Variants in STEAP4 observed in about 807,000 individuals in gnomAD.
STEAP4 encodes the protein metalloreductase STEAP4.
STEAP4 carries 36 observed loss-of-function variants against 43.6 expected under a neutral mutation model. The observed-to-expected ratio is 0.83, with a 90% confidence interval of 0.63 to 1.09. The LOEUF (loss-of-function observed/expected upper bound fraction) is 1.09, where lower values mean the gene tolerates loss of function less well. Among genes scored for constraint, STEAP4 ranks in the 50% least tolerant of loss-of-function variants. The pLI is 0.00. For missense variants in STEAP4, 495 were observed against 546.5 expected (o/e 0.91, Z 0.94); for synonymous variants, 191 against 196.7 (o/e 0.97, Z 0.24).
At position 88,277,369 on chromosome 7, in the gene STEAP4, T is replaced by C. The variant is rs1852528656; in HGVS notation, c.*2029A>G. On this transcript the variant is annotated 3_prime_UTR_variant, in exon 5 of 5. Coordinates refer to ENST00000380079, the MANE Select transcript of STEAP4 (RefSeq NM_024636.4). Reference sequence around the variant, plus strand: ...TTGAAATAAAAAAGACAATCTACAATGGTGCGATGAAAGCAACACCCTCAT... The same window carrying C: ...TTGAAATAAAAAAGACAATCTACAACGGTGCGATGAAAGCAACACCCTCAT... 1 of 152,144 alleles carries C rather than the reference T, an allele frequency of 6.6e-6. No homozygotes were observed. The highest frequency in any genetic ancestry group is 1.5e-5 in the Non-Finnish European group (1 of 68,032). 9.4% of individuals were successfully genotyped at this position (152,144 alleles called of 1,614,324 possible). A position where few individuals can be genotyped will look rare whatever the true frequency, so the allele number is the denominator to read the frequency against.
intron 3 of STEAP4, chr7:88,282,116 GCGA>G (rs2115954478): frequency 6.5e-6 from 1 of 152,846 alleles, no homozygotes; most frequent in African/African-American, 2.4e-5. Context: ...CTGGACCCAA[GCGA>G]ACCTGGAAAG....
chr7:88,285,294 A>T (rs897173903), intron 1 of STEAP4, among the ~76,000 whole-genome samples: 2 of 152,200 alleles, frequency 1.3e-5, no homozygotes, highest in African/African-American at 4.8e-5. Flanking sequence ...AGATATGTGC[A>T]ACATATGTAT....
In STEAP4 at chr7:88,278,818, T is replaced by C. The variant is rs1317783868; in HGVS notation, c.*580A>G. The C allele has an allele frequency of 5.8e-5, 9 of 154,100 alleles. No individual in the cohort carries two copies. The highest frequency in any genetic ancestry group is 2.2e-4 in the African/African-American group (9 of 41,476). The allele number at this position is 154,100 out of a possible 1,614,324, so 9.5% of individuals were successfully genotyped here. The stretch of plus-strand genomic sequence containing the variant: ...GTGTTATAAAAATAGTTCCTCTCAG[T>C]AAATATCTGTATTAAGAAAAGCAAA... On this transcript the variant is annotated 3_prime_UTR_variant, in exon 5 of 5. Transcript: ENST00000380079.
intron 1 of STEAP4, among the ~76,000 whole-genome samples, chr7:88,299,180 G>T (rs1852985191): frequency 6.6e-6 from 1 of 152,060 alleles, no homozygotes; most frequent in Non-Finnish European, 1.5e-5. Context: ...TTAAATTTAG[G>T]TTCTTTGTCG....
intron 1 of STEAP4, among the ~76,000 whole-genome samples, chr7:88,303,625 T>C (rs1412324183): frequency 6.6e-6 from 1 of 152,160 alleles, no homozygotes; most frequent in Admixed American, 6.5e-5. Context: ...AGAATTTAGA[T>C]TGGGATGTCA....
intron 1 of STEAP4, among the ~76,000 whole-genome samples, chr7:88,296,204 G>A (rs1052585087): frequency 1.1e-4 from 16 of 152,222 alleles, no homozygotes; most frequent in South Asian, 1.0e-3. Flanking sequence ...ATGTGATAAC[G>A]TGTTACTAAT....
rs1852480242 is a variant in STEAP4 at position 88,274,339 on chromosome 7, A to T, written c.*5059T>A. 6.6e-6 allele frequency: 1 copy of T among 152,262 alleles called. No homozygotes were observed. The highest frequency in any genetic ancestry group is 2.4e-5 in the African/African-American group (1 of 41,474). The allele number at this position is 152,262 out of a possible 1,614,324, so 9.4% of individuals were successfully genotyped here. On this transcript the variant is annotated 3_prime_UTR_variant, in exon 5 of 5. Transcript: ENST00000380079. ...CCAAAATTCCCTTACAGCAGAAAGC[A>T]AGTAGTACTGGATCCTTTTGGCTTT...
At chr7:88,296,101 T>C (rs1852918847) in intron 1 of STEAP4, among the ~76,000 whole-genome samples, 1 of 152,214 alleles carries the variant, frequency 6.6e-6, no homozygotes, top group Non-Finnish European at 1.5e-5. Context: ...CTTAAAGAGT[T>C]GTCTTCCAAG....
intron 4 of STEAP4, among the ~76,000 whole-genome samples, chr7:88,280,507 T>A (rs745906287): frequency 7.2e-5 from 11 of 152,194 alleles, no homozygotes; most frequent in Non-Finnish European, 1.6e-4. Context: ...AAGAAAACAA[T>A]TTTCCCTCTT....
At chr7:88,283,614 C>T in intron 2 of STEAP4, 200 bp downstream of exon 2, 2 of 634,108 alleles carry the variant, frequency 3.2e-6, no homozygotes, top group Non-Finnish European at 5.3e-6. Flanking sequence ...AAACTAAAAT[C>T]TGAGGGTGCA....
intron 4 of STEAP4, among the ~76,000 whole-genome samples, chr7:88,280,246 C>T (rs1390531102): frequency 6.6e-6 from 1 of 152,180 alleles, no homozygotes; most frequent in Non-Finnish European, 1.5e-5. Flanking sequence ...AAGACTAATG[C>T]TCTTTTCTAT....
chr7:88,300,651 C>A (rs1300337321), intron 1 of STEAP4, among the ~76,000 whole-genome samples: 1 of 152,192 alleles, frequency 6.6e-6, no homozygotes, highest in Non-Finnish European at 1.5e-5. Flanking sequence ...TTATGACAAT[C>A]ACCAAGTGCT....
At chr7:88,291,916 G>C (rs1489164475) in intron 1 of STEAP4, among the ~76,000 whole-genome samples, 1 of 152,126 alleles carries the variant, frequency 6.6e-6, no homozygotes, top group Non-Finnish European at 1.5e-5. Flanking sequence ...TGCAGGACTG[G>C]TTTTGCCTCT....
At chr7:88,282,511 T>G in intron 3 of STEAP4, 130 bp downstream of exon 3, 1 of 910,194 alleles carries the variant, frequency 1.1e-6, no homozygotes, top group Non-Finnish European at 1.6e-6. Flanking sequence ...TGACATGACA[T>G]TTCTAATTCT....
intron 1 of STEAP4, among the ~76,000 whole-genome samples, chr7:88,300,766 CA>C (rs1351532144): frequency 6.6e-6 from 1 of 152,110 alleles, no homozygotes; most frequent in Non-Finnish European, 1.5e-5. Flanking sequence ...AATGTGACCA[CA>C]AAAATGGGAA....
intron 1 of STEAP4, among the ~76,000 whole-genome samples, chr7:88,303,738 G>T (rs1255165469): frequency 6.6e-6 from 1 of 152,142 alleles, no homozygotes; most frequent in Non-Finnish European, 1.5e-5. Flanking sequence ...ACAGCACAAG[G>T]ATTCATTGTT....
intron 1 of STEAP4, among the ~76,000 whole-genome samples, chr7:88,297,768 C>T (rs1279507636): frequency 1.3e-5 from 2 of 151,948 alleles, no homozygotes; most frequent in Non-Finnish European, 2.9e-5. Flanking sequence ...AAAGGGCAAC[C>T]CTTACAAAAA....
intron 2 of STEAP4, chr7:88,283,403 T>A (rs761479484): frequency 2.0e-6 from 1 of 508,810 alleles, no homozygotes; most frequent in Admixed American, 3.8e-5. Context: ...ATCACACTTA[T>A]AAAAGACATG....
chr7:88,306,107 G>T (rs564792719), intron 1 of STEAP4, among the ~76,000 whole-genome samples: 1 of 152,286 alleles, frequency 6.6e-6, no homozygotes, highest in Non-Finnish European at 1.5e-5. Flanking sequence ...GACCTCAAGT[G>T]ATCCATCGGC....
Sources: gnomAD v4.1 joint callset for allele counts (sites outside exome capture counted in the v4.1 genomes callset) on GRCh38, gnomAD v4.1.1 for gene constraint, MANE v1.5 for transcripts, NCBI Gene and HGNC (gene_info 2026-07-23, HGNC 2026-07-21) for gene names.